The following FBXW11 variants were observed in gnomAD, a reference collection of about 807,000 sequenced individuals.
FBXW11 encodes F-box/WD repeat-containing protein 11.
Under a neutral mutation model 77.6 loss-of-function variants are expected in FBXW11, and 19 were observed. The ratio of observed to expected loss-of-function variants is 0.24; its 90% CI spans 0.17 to 0.36. The LOEUF is 0.36. FBXW11 is among the 10% of genes least tolerant of loss of function. FBXW11 has a pLI of 1.00. For missense variants in FBXW11, 334 were observed against 704.2 expected, an observed-to-expected ratio of 0.47 and a Z score of 5.95; for synonymous variants, 235 against 249.4, an observed-to-expected ratio of 0.94 and a Z score of 0.54.
rs879441997 is a variant in FBXW11 at position 171,873,652 on chromosome 5, CA to C, written c.1222-663del. Among the ~76,000 whole-genome samples, 53 of 152,118 alleles carry C rather than the reference CA, an allele frequency of 3.5e-4. 1 individual carries two copies. The highest frequency in any genetic ancestry group is 6.2e-4 in the Non-Finnish European group (42 of 68,002). On this transcript the variant is annotated intron_variant, in intron 9 of 13. Transcript: ENST00000517395. Reference sequence around the variant, plus strand: ...GCAAGACTTTGTCTCAAAAAACAAACAAAAAGTCTCACCTTTCATATCATCC... The same window carrying C: ...GCAAGACTTTGTCTCAAAAAACAAACAAAAGTCTCACCTTTCATATCATCC...
At chr5:171,925,091 C>T (rs567510454) in intron 2 of FBXW11, among the ~76,000 whole-genome samples, 2 of 152,258 alleles carry the variant, frequency 1.3e-5, no homozygotes, top group Non-Finnish European at 2.9e-5. Context: ...GGGCGGAGCG[C>T]GGCCCTGGGC....
intron 2 of FBXW11, among the ~76,000 whole-genome samples, chr5:171,946,448 G>A (rs1327512376): frequency 5.3e-5 from 8 of 152,152 alleles, no homozygotes; most frequent in Non-Finnish European, 8.8e-5. Flanking sequence ...CAAAGTCTAC[G>A]AAACTCTAGA....
intron 1 of FBXW11, among the ~76,000 whole-genome samples, chr5:171,998,876 T>G (rs1469287950): frequency 6.6e-6 from 1 of 151,960 alleles, no homozygotes; most frequent in Non-Finnish European, 1.5e-5. Flanking sequence ...GCAGCAAAGA[T>G]TGTAACTGTG....
chr5:171,999,673 A>G (rs1044796864), intron 1 of FBXW11, among the ~76,000 whole-genome samples: 3 of 152,188 alleles, frequency 2.0e-5, no homozygotes, highest in Admixed American at 1.3e-4. Flanking sequence ...AAAAATAAAC[A>G]TTAAAAATTA....
intron 1 of FBXW11, among the ~76,000 whole-genome samples, chr5:171,960,919 AC>A (rs1287687992): frequency 6.6e-6 from 1 of 152,262 alleles, no homozygotes; most frequent in East Asian, 1.9e-4. Flanking sequence ...TTTTTAAAAG[AC>A]CCTCTGAGGG....
At chr5:171,951,594 A>C (rs964398485) in intron 2 of FBXW11, among the ~76,000 whole-genome samples, 3 of 152,116 alleles carry the variant, frequency 2.0e-5, no homozygotes, top group African/African-American at 7.2e-5. Flanking sequence ...AAAAATGCTA[A>C]AGCCCTGTGA....
chr5:171,922,977 C>CA (rs1185363013), intron 2 of FBXW11, among the ~76,000 whole-genome samples: 2 of 152,102 alleles, frequency 1.3e-5, no homozygotes, highest in Non-Finnish European at 2.9e-5. Flanking sequence ...TGCAGTGGCA[C>CA]AATCCCAGCT....
intron 1 of FBXW11, among the ~76,000 whole-genome samples, chr5:171,961,436 T>C (rs899236516): frequency 3.8e-4 from 58 of 152,206 alleles, no homozygotes; most frequent in African/African-American, 1.2e-3. Context: ...AAATCATCTC[T>C]ACTCAACAGA....
chr5:171,866,655 A>G (rs1233970362), intron 13 of FBXW11, among the ~76,000 whole-genome samples: 3 of 152,226 alleles, frequency 2.0e-5, no homozygotes, highest in African/African-American at 7.2e-5. Context: ...CCAGAAAAAG[A>G]AAACCATAAT....
chr5:171,964,905 A>G (rs1376448958), intron 1 of FBXW11, among the ~76,000 whole-genome samples: 4 of 152,226 alleles, frequency 2.6e-5, no homozygotes, highest in Admixed American at 6.5e-5. Context: ...CATGTAACCA[A>G]AAAGTTTACA....
intron 2 of FBXW11, among the ~76,000 whole-genome samples, chr5:171,957,111 T>A (rs779622828): frequency 1.3e-5 from 2 of 152,216 alleles, no homozygotes; most frequent in Non-Finnish European, 2.9e-5. Flanking sequence ...AAAGCTATGA[T>A]CTTTATAAAC....
At chr5:171,893,952 G>A (rs1452596825) in intron 6 of FBXW11, among the ~76,000 whole-genome samples, 1 of 151,920 alleles carries the variant, frequency 6.6e-6, no homozygotes, top group Admixed American at 6.6e-5. Context: ...GAGAGTCTGA[G>A]GGGGAAACAA....
intron 1 of FBXW11, among the ~76,000 whole-genome samples, chr5:171,963,850 C>T (rs763867311): frequency 9.2e-5 from 14 of 152,058 alleles, no homozygotes; most frequent in Non-Finnish European, 1.8e-4. Flanking sequence ...CAACAGTAAC[C>T]CAATGACAAA....
At chr5:171,905,594 C>CCCG (rs1760444183) in intron 4 of FBXW11, among the ~76,000 whole-genome samples, 1 of 101,212 alleles carries the variant, frequency 9.9e-6, no homozygotes, top group Admixed American at 9.6e-5. Flanking sequence ...AGCTAACCCC[C>CCCG]CCCCCTTTAT....
At chr5:171,962,484 GGTTC>G (rs1254354397) in intron 1 of FBXW11, among the ~76,000 whole-genome samples, 3 of 152,128 alleles carry the variant, frequency 2.0e-5, no homozygotes, top group Non-Finnish European at 4.4e-5. Context: ...TATATTTGTA[GGTTC>G]TATAGCTGAA....
chr5:171,991,029 T>C (rs966322793), intron 1 of FBXW11, among the ~76,000 whole-genome samples: 1 of 152,172 alleles, frequency 6.6e-6, no homozygotes, highest in Non-Finnish European at 1.5e-5. Context: ...TTTCATCATG[T>C]TGGTCAGGCT....
chr5:171,976,216 G>C (rs751378410), intron 1 of FBXW11, among the ~76,000 whole-genome samples: 1 of 152,150 alleles, frequency 6.6e-6, no homozygotes, highest in Non-Finnish European at 1.5e-5. Flanking sequence ...GAACCAGAGA[G>C]GGGAGAGGGG....
chr5:171,982,926 G>A (rs1001323190), intron 1 of FBXW11, among the ~76,000 whole-genome samples: 1 of 152,122 alleles, frequency 6.6e-6, no homozygotes, highest in Non-Finnish European at 1.5e-5. Context: ...CCTAAGATGT[G>A]AGCAGTGGCT....
At chr5:171,888,976 A>G (rs1759109502) in intron 7 of FBXW11, among the ~76,000 whole-genome samples, 1 of 152,222 alleles carries the variant, frequency 6.6e-6, no homozygotes, top group African/African-American at 2.4e-5. Flanking sequence ...AATTATCCAG[A>G]AAAGGGAGGA....
Sources: allele counts gnomAD v4.1 joint callset (sites outside exome capture counted in the v4.1 genomes callset), GRCh38; gene constraint gnomAD v4.1.1; transcripts MANE v1.5; gene names NCBI Gene and HGNC (gene_info 2026-07-23, HGNC 2026-07-21).